Variants in PIP5K1C observed in about 807,000 individuals in gnomAD.
PIP5K1C encodes the protein phosphatidylinositol-4-phosphate 5-kinase type 1 gamma.
In PIP5K1C, 45 loss-of-function variants were observed where a neutral mutation model predicts 80.1. The observed-to-expected ratio is 0.56, with a 90% CI of 0.44 to 0.72. The LOEUF is 0.72. Among genes scored for constraint, PIP5K1C ranks in the 30% least tolerant of loss-of-function variants. The probability of loss-of-function intolerance (pLI) is 0.00; values close to 1 mark genes in which losing one functional copy is unlikely to be tolerated. For synonymous variants in PIP5K1C, 498 were observed against 420.1 expected (o/e 1.19, Z -2.27); for missense variants, 753 against 954.6 (o/e 0.79, Z 2.78).
intron 9 of PIP5K1C, among the ~76,000 whole-genome samples, chr19:3,647,659 A>T (rs974920755): frequency 6.6e-5 from 10 of 152,096 alleles, no homozygotes; most frequent in African/African-American, 2.4e-4. Flanking sequence ...AACATTCTAG[A>T]GCCCCAGCTG....
At chr19:3,691,107 C>G (rs1050536006) in intron 1 of PIP5K1C, among the ~76,000 whole-genome samples, 5 of 152,194 alleles carry the variant, frequency 3.3e-5, no homozygotes, top group Non-Finnish European at 5.9e-5. Context: ...TCCAAGAAAA[C>G]AAAGAGGAAA....
rs1420937216 is a variant in PIP5K1C at position 3,630,680 on chromosome 19, C to T, written c.*2487G>A. On this transcript the variant is annotated 3_prime_UTR_variant, in exon 18 of 18. Coordinates refer to ENST00000335312, the MANE Select transcript of PIP5K1C (RefSeq NM_012398.3). Reference sequence around the variant, plus strand: ...GGGGGACAGAGCCTGGCAGGAGACACATGGAAGTTTCCGCCTTGTCAGTCT... The same window carrying T: ...GGGGGACAGAGCCTGGCAGGAGACATATGGAAGTTTCCGCCTTGTCAGTCT... 1 of 152,446 alleles carries T rather than the reference C, an allele frequency of 6.6e-6. No individual in the cohort carries two copies. The highest frequency in any genetic ancestry group is 1.5e-5 in the Non-Finnish European group (1 of 68,054). 9.4% of individuals were successfully genotyped at this position (152,446 alleles called of 1,614,324 possible).
intron 1 of PIP5K1C, among the ~76,000 whole-genome samples, chr19:3,681,269 C>T (rs2035581409): frequency 1.3e-5 from 2 of 149,608 alleles, no homozygotes; most frequent in African/African-American, 4.9e-5. Flanking sequence ...CTCGTTCTGT[C>T]GCCCAGGCTG....
At chr19:3,664,601 G>C (rs2034947143) in intron 3 of PIP5K1C, among the ~76,000 whole-genome samples, 1 of 152,216 alleles carries the variant, frequency 6.6e-6, no homozygotes, top group African/African-American at 2.4e-5. Flanking sequence ...GCCAGGCTGA[G>C]CCACAGAACA....
chr19:3,686,041 G>C (rs1055532812), intron 1 of PIP5K1C, among the ~76,000 whole-genome samples: 3 of 151,678 alleles, frequency 2.0e-5, no homozygotes, highest in African/African-American at 7.3e-5. Context: ...TTTCAGAAAC[G>C]GGGGTCTCGC....
chr19:3,697,618 G>A (rs1431590410), intron 1 of PIP5K1C, among the ~76,000 whole-genome samples: 2 of 152,200 alleles, frequency 1.3e-5, no homozygotes, highest in Non-Finnish European at 2.9e-5. Context: ...ATCATTTGCT[G>A]CCAGATCAGC....
rs374273200 is a variant in PIP5K1C, at chr19:3,665,921, G to A, written c.127-1007C>T. On this transcript the variant is annotated intron_variant, in intron 2 of 17. Coordinates refer to ENST00000335312, the MANE Select transcript of PIP5K1C (RefSeq NM_012398.3). ...TCCACTGGCCAGACCCCATCCCACC[G>A]CTATCAGCCCCAGGGACACGCCTGC... is the stretch of plus-strand genomic sequence containing the variant. 3.6e-4 allele frequency among the ~76,000 whole-genome samples: 55 copies of A among 152,224 alleles called. 1 individual carries two copies. The East Asian group carries it at 4.6e-3, about 13-fold the overall frequency.
Position 3,637,348 on chromosome 19 carries a change from G to A in PIP5K1C, c.1920+1536C>T. 1.3e-6 allele frequency: 2 copies of A among 1,534,662 alleles called. No individual in the cohort carries two copies. The highest frequency in any genetic ancestry group is 1.7e-6 in the Non-Finnish European group (2 of 1,146,326). On this transcript the variant is annotated intron_variant, in intron 16 of 17. Coordinates refer to ENST00000335312, the MANE Select transcript of PIP5K1C (RefSeq NM_012398.3). This position sits in a 1 kb window ranked among gnomAD's most constrained non-coding sequence, Gnocchi z 7.0. ...CGTGGGACCGAATGACATTCCCAGT[G>A]ACGCATGCAGCCCAGCGCCTGGTCC...
chr19:3,641,876 C>A (rs1393405760), intron 14 of PIP5K1C, 67 bp from the exon 15 acceptor site: 22 of 1,287,066 alleles, frequency 1.7e-5, no homozygotes, highest in Non-Finnish European at 2.3e-5. Flanking sequence ...CCCAGGAGTG[C>A]CCAGTGAACT....
chr19:3,652,643 G>A (rs1411403769), intron 7 of PIP5K1C, among the ~76,000 whole-genome samples: 1 of 152,244 alleles, frequency 6.6e-6, no homozygotes, highest in African/African-American at 2.4e-5. Context: ...CCAGGCAGAG[G>A]AAGAGCCGTG....
At chr19:3,638,471 C>G (rs891958154) in intron 16 of PIP5K1C, among the ~76,000 whole-genome samples, 2 of 152,250 alleles carry the variant, frequency 1.3e-5, no homozygotes, top group Admixed American at 1.3e-4. Context: ...CCTGTCTGGA[C>G]GTCTAGGCTG....
At chr19:3,647,440 C>A in intron 9 of PIP5K1C, 54 bp from the exon 10 acceptor site, 1 of 1,490,390 alleles carries the variant, frequency 6.7e-7, no homozygotes, top group Non-Finnish European at 9.2e-7. Context: ...CCATGCCAGG[C>A]CACCTCACTC....
At chr19:3,698,969 C>A (rs2036210375) in intron 1 of PIP5K1C, among the ~76,000 whole-genome samples, 1 of 150,878 alleles carries the variant, frequency 6.6e-6, no homozygotes, top group Admixed American at 6.6e-5. Flanking sequence ...GCTCTCCCAC[C>A]CCACCACCAT....
intron 1 of PIP5K1C, among the ~76,000 whole-genome samples, chr19:3,699,566 G>A (rs2036232443): frequency 6.6e-6 from 1 of 152,188 alleles, no homozygotes; most frequent in African/African-American, 2.4e-5. Context: ...CTTCCGATTT[G>A]GGAGCTTGTG....
chr19:3,648,812 G>A lies in PIP5K1C; in HGVS notation c.1128-104C>T. On this transcript the variant is annotated intron_variant, in intron 8 of 17. Transcript: ENST00000335312. This position sits in a 1 kb window ranked among gnomAD's most constrained non-coding sequence, Gnocchi z 4.3. ...CTAGGGAGTCCATCTGCTCCTGTGG[G>A]TGGCAACTTGGCCAAGCTCTCGGAG... 1.0e-6 allele frequency: 1 copy of A among 961,870 alleles called. No individual in the cohort carries two copies. Among genetic ancestry groups the A allele is most frequent in the Non-Finnish European group, 1.6e-6 (1 of 609,662 alleles). The allele number at this position is 961,870 out of a possible 1,614,324, so 59.6% of individuals were successfully genotyped here.
chr19:3,695,286 C>A (rs749043901), intron 1 of PIP5K1C, among the ~76,000 whole-genome samples: 1 of 152,190 alleles, frequency 6.6e-6, no homozygotes, highest in African/African-American at 2.4e-5. Context: ...CGGACCCCAG[C>A]GCCCAGGTGA....
chr19:3,696,638 C>G lies in PIP5K1C; in HGVS notation c.94+3659G>C, dbSNP rs557066377. On this transcript the variant is annotated intron_variant, in intron 1 of 17. Coordinates refer to ENST00000335312, the MANE Select transcript of PIP5K1C (RefSeq NM_012398.3). This position sits in a 1 kb window ranked among gnomAD's most constrained non-coding sequence, Gnocchi z 4.1. Reference sequence around the variant, plus strand: ...GTGGGGGGCAGCCGTGCAAAGGCCCCGGGGCAGGACCATGCCCTGCATGCT... The same window carrying G: ...GTGGGGGGCAGCCGTGCAAAGGCCCGGGGGCAGGACCATGCCCTGCATGCT... Among the ~76,000 whole-genome samples, 1 of 142,488 alleles carries G rather than the reference C, an allele frequency of 7.0e-6. No homozygotes were observed. Among genetic ancestry groups the G allele is most frequent in the East Asian group, 2.2e-4 (1 of 4,614 alleles). 93.5% of individuals were successfully genotyped at this position (142,488 alleles called of 152,430 possible). A position where few individuals can be genotyped will look rare whatever the true frequency, so the allele number is the denominator to read the frequency against.
intron 1 of PIP5K1C, among the ~76,000 whole-genome samples, chr19:3,693,585 C>T (rs759211085): frequency 1.1e-4 from 16 of 152,218 alleles, no homozygotes; most frequent in Non-Finnish European, 8.8e-5. Flanking sequence ...AGGCGGCAGG[C>T]GGCAGGGAGG....
intron 1 of PIP5K1C, among the ~76,000 whole-genome samples, chr19:3,670,417 A>G (rs1185499884): frequency 1.3e-5 from 2 of 151,962 alleles, no homozygotes; most frequent in African/African-American, 4.8e-5. Context: ...GGAGGCGGGG[A>G]GGGCACCACT....
Sources: allele counts gnomAD v4.1 joint callset (sites outside exome capture counted in the v4.1 genomes callset), GRCh38; gene constraint gnomAD v4.1.1; non-coding constraint Gnocchi (gnomAD v3.1); transcripts MANE v1.5; gene names NCBI Gene and HGNC (gene_info 2026-07-23, HGNC 2026-07-21).